The following NBPF10 variants were observed in gnomAD, a reference collection of about 807,000 sequenced individuals.
The protein encoded by NBPF10 is NBPF member 10.
In NBPF10, 63 loss-of-function variants were observed where a neutral mutation model predicts 77.9. The ratio of observed to expected loss-of-function variants is 0.81; its 90% CI spans 0.66 to 1.00. The LOEUF (loss-of-function observed/expected upper bound fraction) is 1.00, where lower values mean the gene tolerates loss of function less well. NBPF10 is among the 50% of genes least tolerant of loss of function. The pLI, the probability that NBPF10 is intolerant of heterozygous loss-of-function variation, is 0.00. For missense variants in NBPF10, 522 were observed against 679.8 expected (o/e 0.77, Z 2.58); for synonymous variants, 146 against 264.5 (o/e 0.55, Z 4.35).
rs1298436671 is a variant in NBPF10 at position 146,140,411 on chromosome 1, C to T, written c.566+73G>A. The T allele has an allele frequency of 1.1e-5, 8 of 709,830 alleles. 2 individuals are homozygous for T. The highest frequency in any genetic ancestry group is 5.1e-5 in the Admixed American group (2 of 39,380). 44.0% of individuals were successfully genotyped at this position (709,830 alleles called of 1,614,324 possible). On this transcript the variant is annotated intron_variant, in intron 4 of 89. Coordinates refer to ENST00000583866, the Ensembl canonical transcript of NBPF10. Reference sequence around the variant, plus strand: ...GCGGGCATTTGGCCCATCATAGATGCCAGAGAGGGTGTGCCTCCTAGACAT... The same window carrying T: ...GCGGGCATTTGGCCCATCATAGATGTCAGAGAGGGTGTGCCTCCTAGACAT...
At chr1:146,066,990 C>T (rs1345673416) in intron 89 of NBPF10, among the ~76,000 whole-genome samples, 190 bp downstream of exon 89, 15 of 142,312 alleles carry the variant, frequency 1.1e-4, no homozygotes, top group Admixed American at 6.5e-4. Flanking sequence ...ACCTATGGTA[C>T]GTTAGGAAAT....
intron 89 of NBPF10, 93 bp from the exon 90 acceptor site, chr1:146,066,654 T>C (rs111281793): frequency 2.0e-6 from 1 of 508,840 alleles, no homozygotes; most frequent in South Asian, 2.2e-5. Flanking sequence ...AGGAAGTGGT[T>C]AGAAAAGAAA....
exon 86 of NBPF10, chr1:146,069,585 C>A (rs782694670): frequency 7.5e-6 from 11 of 1,464,868 alleles, no homozygotes; most frequent in African/African-American, 3.4e-5. Flanking sequence ...TGCTCCAATA[C>A]ATAAAAGGCA....
intron 81 of NBPF10, among the ~76,000 whole-genome samples, chr1:146,073,194 G>A (rs1402896675): frequency 2.1e-5 from 1 of 47,842 alleles, no homozygotes; most frequent in South Asian, 5.6e-4. Context: ...TAGTGCCCTC[G>A]GGACACACAG....
intron 77 of NBPF10, among the ~76,000 whole-genome samples, chr1:146,076,284 C>CAG (rs1656040840): frequency 6.1e-4 from 8 of 13,100 alleles, no homozygotes; most frequent in Non-Finnish European, 1.0e-3. Flanking sequence ...CACACACACA[C>CAG]ACACACACAC....
exon 9 of NBPF10, chr1:146,134,248 C>G (rs782690582): frequency 1.9e-6 from 3 of 1,601,100 alleles, no homozygotes; most frequent in Non-Finnish European, 1.7e-6. Context: ...ACATCTTCAT[C>G]GTCATCGTTG....
chr1:146,126,403 C>A (rs782120049), exon 14 of NBPF10: 2 of 1,262,134 alleles, frequency 1.6e-6, no homozygotes, highest in East Asian at 2.3e-5. Flanking sequence ...CAGCTCCCTG[C>A]TGAGCGTGGA....
At chr1:146,067,866 T>A (rs1358637532) in intron 88 of NBPF10, 137 bp downstream of exon 88, 4 of 697,622 alleles carry the variant, frequency 5.7e-6, no homozygotes, top group African/African-American at 1.8e-5. Flanking sequence ...ACAGTTTCAT[T>A]ACAACCTATA....
chr1:146,121,951 C>G (rs1658228727), intron 19 of NBPF10, among the ~76,000 whole-genome samples: 1 of 134,346 alleles, frequency 7.4e-6, no homozygotes, highest in Admixed American at 7.4e-5. Flanking sequence ...AGTCAAAGGA[C>G]ACTCTGAGTT....
intron 64 of NBPF10, among the ~76,000 whole-genome samples, chr1:146,086,540 AG>A: frequency 2.4e-5 from 1 of 41,620 alleles, no homozygotes; most frequent in East Asian, 5.1e-4. Context: ...TAAAGTATTC[AG>A]CCCTGTCTCA....
intron 87 of NBPF10, 105 bp downstream of exon 87, chr1:146,068,667 C>G (rs1655451073): frequency 1.4e-5 from 1 of 74,072 alleles, no homozygotes; most frequent in Admixed American, 2.8e-4. Flanking sequence ...AGGAGTAATT[C>G]AACCTTCGCT....
Position 146,068,049 on chromosome 1 carries a change from A to C in NBPF10, c.10989T>G (p.Val3663=), listed in dbSNP as rs1655369510. Reference sequence around the variant, plus strand: ...CAAGGTACTGTTCCTCCAATGAGTAAACAGCACTGCTGTAGGGCTGGCCTA... The same window carrying C: ...CAAGGTACTGTTCCTCCAATGAGTACACAGCACTGCTGTAGGGCTGGCCTA... Residue 3663 remains valine, a synonymous_variant, in exon 88 of 90, where the codon GTT becomes GTG. Coordinates refer to ENST00000583866, the Ensembl canonical transcript of NBPF10. 7.3e-6 allele frequency: 4 copies of C among 551,710 alleles called. No homozygotes were observed. In the East Asian group the frequency reaches 1.2e-4, roughly 17 times the overall value. The allele number at this position is 551,710 out of a possible 1,614,324, so 34.2% of individuals were successfully genotyped here. A position where few individuals can be genotyped will look rare whatever the true frequency, so the allele number is the denominator to read the frequency against.
At chr1:146,139,123 G>A (rs1482252040) in intron 5 of NBPF10, among the ~76,000 whole-genome samples, 1,500 of 118,176 alleles carry the variant, frequency 0.013, 8 homozygotes, top group African/African-American at 0.043. Flanking sequence ...TTTTTGAGAT[G>A]GAGTCTCGCT....
At position 146,068,510 on chromosome 1, in the gene NBPF10, A is replaced by C. The variant is rs1158504717; in HGVS notation, c.10862+262T>G. 2.2e-4 allele frequency among the ~76,000 whole-genome samples: 6 copies of C among 26,930 alleles called. 2 individuals carry two copies. In the East Asian group the frequency reaches 4.8e-3, roughly 22 times the overall value. The allele number at this position is 26,930 out of a possible 152,430, so 17.7% of individuals were successfully genotyped here. On this transcript the variant is annotated intron_variant, in intron 87 of 89. Coordinates refer to ENST00000583866, the Ensembl canonical transcript of NBPF10. Reference sequence around the variant, plus strand: ...GATCATGAAAAGAGTGGGCTCAATAATTTTCCATAAACTTGCTCAAGATTC... The same window carrying C: ...GATCATGAAAAGAGTGGGCTCAATACTTTTCCATAAACTTGCTCAAGATTC...
At chr1:146,141,896 G>C in intron 2 of NBPF10, 78 bp from the exon 3 acceptor site, 1 of 1,163,712 alleles carries the variant, frequency 8.6e-7, no homozygotes, top group South Asian at 1.3e-5. Context: ...AGAGACTTCT[G>C]AGACAATGTC....
chr1:146,134,395 A>G (rs1553794096), intron 8 of NBPF10, 130 bp from the exon 9 acceptor site: 2 of 692,318 alleles, frequency 2.9e-6, no homozygotes, highest in Non-Finnish European at 2.4e-6. Flanking sequence ...CTCATGTTTT[A>G]TCTTTAACAG....
chr1:146,066,779 G>C lies in NBPF10; in HGVS notation c.11145-218C>G, dbSNP rs1476948275. On this transcript the variant is annotated intron_variant, in intron 89 of 89. Transcript: ENST00000583866. Reference sequence around the variant, plus strand: ...AGACAGAGAGAGAGAGACAGAGACAGAGACAGAGACAGAGAGAAAGTGACC... The same window carrying C: ...AGACAGAGAGAGAGAGACAGAGACACAGACAGAGACAGAGAGAAAGTGACC... Among the ~76,000 whole-genome samples, 2 of 152,002 alleles carry C rather than the reference G, an allele frequency of 1.3e-5. 1 individual carries two copies. Among genetic ancestry groups the C allele is most frequent in the East Asian group, 3.9e-4 (2 of 5,172 alleles).
At chr1:146,134,667 CTA>C (rs1198420479) in intron 8 of NBPF10, among the ~76,000 whole-genome samples, 1 of 135,210 alleles carries the variant, frequency 7.4e-6, no homozygotes, top group Non-Finnish European at 1.5e-5. Context: ...CCACAGTCCT[CTA>C]TGCATCAGAA....
rs1553798202 is a variant in NBPF10, at chr1:146,143,347, T to C, written c.176-595A>G. On this transcript the variant is annotated intron_variant, in intron 1 of 89. Coordinates refer to ENST00000583866, the Ensembl canonical transcript of NBPF10. The stretch of plus-strand genomic sequence containing the variant: ...TAGTATGAGAGGCAGCATTAAGATT[T>C]AGATTAGTTGTGTTAATTTAGAAAC... Among the ~76,000 whole-genome samples, 14 of 150,734 alleles carry C rather than the reference T, an allele frequency of 9.3e-5. No individual in the cohort carries two copies. The South Asian group carries it at 1.7e-3, about 19-fold the overall frequency.
Sources: allele counts gnomAD v4.1 joint callset (sites outside exome capture counted in the v4.1 genomes callset), GRCh38; gene constraint gnomAD v4.1.1; transcripts MANE v1.5; gene names NCBI Gene and HGNC (gene_info 2026-07-23, HGNC 2026-07-21).